Variants in OSGEPL1 observed in about 807,000 individuals in gnomAD.
The protein encoded by OSGEPL1 is O-sialoglycoprotein endopeptidase like 1, also known as tRNA N6-adenosine threonylcarbamoyltransferase, mitochondrial.
Under a neutral mutation model 37.2 loss-of-function variants are expected in OSGEPL1, and 26 were observed. That is an observed-to-expected ratio of 0.70 (90% CI 0.51 to 0.97). OSGEPL1 has a LOEUF of 0.97. OSGEPL1 is among the 50% of genes least tolerant of loss of function. The pLI is 0.00. For missense variants in OSGEPL1, 404 were observed against 487.0 expected, an observed-to-expected ratio of 0.83 and a Z score of 1.60; for synonymous variants, 140 against 159.9, an observed-to-expected ratio of 0.88 and a Z score of 0.94.
intron 2 of OSGEPL1, chr2:189,761,181 C>T (rs1574935659): frequency 6.0e-6 from 2 of 334,592 alleles, no homozygotes; most frequent in African/African-American, 2.1e-5. Flanking sequence ...TCAATAAATA[C>T]GGAAGCTGGG....
At chr2:189,750,293 T>G (rs920294778) in intron 8 of OSGEPL1, among the ~76,000 whole-genome samples, 1 of 152,126 alleles carries the variant, frequency 6.6e-6, no homozygotes, top group Admixed American at 6.5e-5. Flanking sequence ...TTACTGTGCT[T>G]CTTTCAAAGC....
intron 3 of OSGEPL1, 102 bp from the exon 4 acceptor site, chr2:189,754,447 CTGAA>C: frequency 1.8e-6 from 2 of 1,092,064 alleles, no homozygotes. Flanking sequence ...CAAAAAACCC[CTGAA>C]TGAATAAAAC....
intron 8 of OSGEPL1, among the ~76,000 whole-genome samples, chr2:189,748,347 G>C (rs1382465384): frequency 6.6e-6 from 1 of 152,152 alleles, no homozygotes; most frequent in Admixed American, 6.6e-5. Flanking sequence ...AGGGCTACAG[G>C]TTCTCAGTCT....
upstream of OSGEPL1, chr2:189,763,151 T>G: frequency 1.0e-6 from 1 of 985,024 alleles, no homozygotes. Flanking sequence ...AATCTAAACT[T>G]AGGGGTGAGG....
At chr2:189,762,479 A>T (rs1680770118) in intron 1 of OSGEPL1, 2 of 609,982 alleles carry the variant, frequency 3.3e-6, no homozygotes, top group Non-Finnish European at 4.1e-6. Context: ...AACCTAGAGG[A>T]ATTAGATTTG....
intron 2 of OSGEPL1, among the ~76,000 whole-genome samples, chr2:189,756,621 C>T (rs1051627102): frequency 6.6e-6 from 1 of 152,150 alleles, no homozygotes; most frequent in Non-Finnish European, 1.5e-5. Flanking sequence ...TACTTTTTCT[C>T]TTATATTCCT....
chr2:189,748,928 T>A (rs1194931278), intron 8 of OSGEPL1, among the ~76,000 whole-genome samples: 2 of 152,064 alleles, frequency 1.3e-5, no homozygotes, highest in African/African-American at 4.8e-5. Flanking sequence ...TTATACTACT[T>A]CTCCTATAAA....
intron 2 of OSGEPL1, among the ~76,000 whole-genome samples, chr2:189,757,193 TAA>T (rs1553541723): frequency 6.6e-6 from 1 of 151,964 alleles, no homozygotes; most frequent in Non-Finnish European, 1.5e-5. Context: ...CAAAAGACAA[TAA>T]GGGATTGAAC....
At chr2:189,760,885 G>A (rs2046951826) in intron 2 of OSGEPL1, among the ~76,000 whole-genome samples, 1 of 152,082 alleles carries the variant, frequency 6.6e-6, no homozygotes, top group Admixed American at 6.5e-5. Flanking sequence ...CATGACAACT[G>A]GCTAGAGCTG....
upstream of OSGEPL1, chr2:189,762,876 G>T (rs2047335171): frequency 1.0e-6 from 1 of 985,324 alleles, no homozygotes; most frequent in African/African-American, 1.7e-5. Context: ...AAAGCTTAAA[G>T]GCCGTCTTTG....
rs2045773751 is a variant in OSGEPL1 at position 189,754,514 on chromosome 2, A to G, written c.610-169T>C. 3 of 611,236 alleles carry G rather than the reference A, an allele frequency of 4.9e-6. No individual in the cohort carries two copies. The Admixed American group carries it at 9.8e-5, about 20-fold the overall frequency. 37.9% of individuals were successfully genotyped at this position (611,236 alleles called of 1,614,324 possible). A position where few individuals can be genotyped will look rare whatever the true frequency, so the allele number is the denominator to read the frequency against. On this transcript the variant is annotated intron_variant, in intron 3 of 8. Coordinates refer to ENST00000264151, the MANE Select transcript of OSGEPL1 (RefSeq NM_022353.3). ...TAGCTGATATTCAGGTAAGCAGACA[A>G]CCCTGTTCCTTATGATGACCCGAAC...
chr2:189,760,588 T>G (rs1200495391), intron 2 of OSGEPL1, among the ~76,000 whole-genome samples: 1 of 152,126 alleles, frequency 6.6e-6, no homozygotes, highest in Non-Finnish European at 1.5e-5. Context: ...GTCAGGAGAT[T>G]GAGACCATCC....
Position 189,752,997 on chromosome 2 carries a change from A to G in OSGEPL1, c.964-18T>C, listed in dbSNP as rs1263637208. On this transcript the variant is annotated intron_variant, in intron 5 of 8. Transcript: ENST00000264151. ...GATGCAACCTGAAGGAATTGAGAAAACCAAAATAACTATCATATATGGATA... is the reference window on the plus strand; with the variant it reads ...GATGCAACCTGAAGGAATTGAGAAAGCCAAAATAACTATCATATATGGATA... 6.3e-7 allele frequency: 1 copy of G among 1,592,224 alleles called. No individual in the cohort carries two copies. Among genetic ancestry groups the G allele is most frequent in the East Asian group, 2.2e-5 (1 of 44,744 alleles).
Position 189,754,236 on chromosome 2 carries a change from T to C in OSGEPL1, c.719A>G (p.Lys240Arg). The C allele has an allele frequency of 5.6e-6, 9 of 1,613,912 alleles. No individual in the cohort carries two copies. Among genetic ancestry groups the C allele is most frequent in the Non-Finnish European group, 7.6e-6 (9 of 1,179,834 alleles). Residue 240 changes from lysine to arginine, a missense_variant, in exon 4 of 9, where the codon AAA becomes AGA. Coordinates refer to ENST00000264151, the MANE Select transcript of OSGEPL1 (RefSeq NM_022353.3). ...KQGNRFHFDI[K>R]PPLHHAKNCD... ...ATTTTTAGCATGATGCAAGGGAGGTTTGATGTCAAAATGAAATCTATTTCC... is the reference window on the plus strand; with the variant it reads ...ATTTTTAGCATGATGCAAGGGAGGTCTGATGTCAAAATGAAATCTATTTCC...
chr2:189,758,795 C>T (rs990990820), intron 2 of OSGEPL1, among the ~76,000 whole-genome samples: 1 of 152,300 alleles, frequency 6.6e-6, no homozygotes, highest in South Asian at 2.1e-4. Context: ...TATACATACA[C>T]AAGCAAATGT....
intron 5 of OSGEPL1, among the ~76,000 whole-genome samples, chr2:189,753,438 C>T (rs1353167987): frequency 6.6e-6 from 1 of 152,058 alleles, no homozygotes; most frequent in Non-Finnish European, 1.5e-5. Context: ...TTTGTCAAGG[C>T]TTTTAAGCAC....
rs1426780037 is a variant in OSGEPL1 at position 189,755,451 on chromosome 2, C to T, written c.331G>A (p.Ala111Thr). Residue 111 changes from alanine to threonine, a missense_variant, in exon 3 of 9, where the codon GCA (alanine) becomes ACA (threonine). By Grantham distance (58) the Ala-to-Thr change is moderately conservative. Coordinates refer to ENST00000264151, the MANE Select transcript of OSGEPL1 (RefSeq NM_022353.3). ...CCTGGTTTTATGGTAGTTGCAATTG[C>T]TGAGAGGTCACTTGGAGAGACTCCA... ...ASGVSPSDLS[A>T]IATTIKPGLA... 1 of 1,606,366 alleles carries T rather than the reference C, an allele frequency of 6.2e-7. No individual in the cohort carries two copies. Among genetic ancestry groups the T allele is most frequent in the Admixed American group, 1.8e-5 (1 of 56,980 alleles).
At chr2:189,750,415 T>A in intron 8 of OSGEPL1, 135 bp downstream of exon 8, 1 of 492,792 alleles carries the variant, frequency 2.0e-6, no homozygotes. Flanking sequence ...TTTAACACAT[T>A]ATAGTATCTC....
chr2:189,756,069 T>C (rs1282449293), intron 2 of OSGEPL1, among the ~76,000 whole-genome samples: 1 of 152,200 alleles, frequency 6.6e-6, no homozygotes, highest in African/African-American at 2.4e-5. Flanking sequence ...CAAAGTTTGT[T>C]CAGCTATTCA....
Sources: gnomAD v4.1 joint callset for allele counts (sites outside exome capture counted in the v4.1 genomes callset) on GRCh38, gnomAD v4.1.1 for gene constraint, MANE v1.5 for transcripts, NCBI Gene and HGNC (gene_info 2026-07-23, HGNC 2026-07-21) for gene names.